The following SNX29 variants were observed in gnomAD, a reference collection of about 807,000 sequenced individuals.
SNX29 encodes the protein sorting nexin 29.
A neutral mutation model predicts 102.1 loss-of-function variants in SNX29; 78 were observed. That is an observed-to-expected ratio of 0.76 (90% CI 0.64 to 0.92). The LOEUF (loss-of-function observed/expected upper bound fraction) is 0.92. SNX29 is among the 40% of genes least tolerant of loss of function. The probability of loss-of-function intolerance (pLI) is 0.00; values close to 1 mark genes in which losing one functional copy is unlikely to be tolerated. For missense variants in SNX29, 1,280 were observed against 1,061.7 expected (o/e 1.21, Z -2.86); for synonymous variants, 580 against 414.5 (o/e 1.40, Z -4.85).
chr16:12,173,694 A>G (rs2076200022), intron 13 of SNX29, among the ~76,000 whole-genome samples: 1 of 152,206 alleles, frequency 6.6e-6, no homozygotes, highest in African/African-American at 2.4e-5. Context: ...TTCATTTTCC[A>G]ACCTCTGTGA....
intron 1 of SNX29, among the ~76,000 whole-genome samples, chr16:11,996,276 C>T (rs1030921812): frequency 4.6e-5 from 7 of 151,192 alleles, no homozygotes; most frequent in East Asian, 2.0e-4. Context: ...CCCAGCTACT[C>T]GGAGGGCTGA....
intron 18 of SNX29, among the ~76,000 whole-genome samples, chr16:12,418,622 C>A (rs1030341385): frequency 2.6e-5 from 4 of 152,048 alleles, no homozygotes; most frequent in African/African-American, 9.7e-5. Context: ...TCAAGTGATT[C>A]TCCTGCCTCA....
chr16:12,473,281 A>G (rs13336773), intron 18 of SNX29, among the ~76,000 whole-genome samples: 11,796 of 152,054 alleles, frequency 0.078, 705 homozygotes, highest in East Asian at 0.29. Context: ...CCATTTGGGT[A>G]ATTTTGAGTA....
intron 20 of SNX29, among the ~76,000 whole-genome samples, chr16:12,542,136 C>A (rs4513084): frequency 6.6e-6 from 1 of 152,090 alleles, no homozygotes; most frequent in African/African-American, 2.4e-5. Context: ...ATTTCCAATT[C>A]AGCCCACGCT....
intron 3 of SNX29, among the ~76,000 whole-genome samples, chr16:12,026,898 A>G (rs1245728179): frequency 6.6e-6 from 1 of 152,220 alleles, no homozygotes; most frequent in African/African-American, 2.4e-5. Flanking sequence ...CTCCAAAAAC[A>G]TAATCTTGTT....
intron 15 of SNX29, among the ~76,000 whole-genome samples, chr16:12,287,306 C>T (rs182919957): frequency 3.5e-4 from 54 of 152,340 alleles, no homozygotes; most frequent in African/African-American, 9.6e-4. Flanking sequence ...CCTTTACAAA[C>T]AGACTCCTTC....
chr16:12,201,389 C>G (rs957274982), intron 14 of SNX29, among the ~76,000 whole-genome samples: 4 of 152,204 alleles, frequency 2.6e-5, no homozygotes, highest in Non-Finnish European at 5.9e-5. Context: ...CCCTTTACAG[C>G]CTTTCCAAGC....
At chr16:12,138,930 C>CGGT (rs1567241322) in intron 13 of SNX29, among the ~76,000 whole-genome samples, 2 of 151,960 alleles carry the variant, frequency 1.3e-5, no homozygotes, top group African/African-American at 4.8e-5. Flanking sequence ...TGGTCAGGCA[C>CGGT]GGTGGCTCAC....
intron 3 of SNX29, among the ~76,000 whole-genome samples, chr16:12,008,707 A>G (rs1385147200): frequency 2.0e-5 from 3 of 151,950 alleles, no homozygotes; most frequent in African/African-American, 7.3e-5. Flanking sequence ...AGAGAGTCAA[A>G]ATTTATTACA....
intron 6 of SNX29, among the ~76,000 whole-genome samples, chr16:12,046,929 G>T (rs768218765): frequency 1.3e-5 from 2 of 152,168 alleles, no homozygotes; most frequent in Non-Finnish European, 2.9e-5. Context: ...ACAGTGTTGG[G>T]TCCATTTATC....
At chr16:12,548,567 C>G (rs538862233) in intron 20 of SNX29, among the ~76,000 whole-genome samples, 9 of 152,176 alleles carry the variant, frequency 5.9e-5, no homozygotes, top group Non-Finnish European at 8.8e-5. Context: ...TTCTATGATG[C>G]TGGCTTCCCT....
chr16:12,346,427 G>C (rs1214660474), intron 15 of SNX29, among the ~76,000 whole-genome samples: 1 of 152,194 alleles, frequency 6.6e-6, no homozygotes, highest in Non-Finnish European at 1.5e-5. Context: ...TTGTTAATGT[G>C]ATTTTATGGA....
At chr16:12,022,816 GTT>G (rs2057069132) in intron 3 of SNX29, among the ~76,000 whole-genome samples, 1 of 151,330 alleles carries the variant, frequency 6.6e-6, no homozygotes. Flanking sequence ...AGTGTGTGGT[GTT>G]TTGGATGTGG....
At chr16:12,272,150 A>C (rs372846993) in intron 14 of SNX29, among the ~76,000 whole-genome samples, 1 of 152,164 alleles carries the variant, frequency 6.6e-6, no homozygotes, top group Admixed American at 6.5e-5. Context: ...TTTAAGGTCA[A>C]AAAGCTTATT....
intron 14 of SNX29, among the ~76,000 whole-genome samples, chr16:12,209,542 C>T (rs537985961): frequency 4.1e-4 from 63 of 152,260 alleles, no homozygotes; most frequent in African/African-American, 1.4e-3. Flanking sequence ...CTCTCCAGCT[C>T]GAGACCCCTC....
intron 19 of SNX29, among the ~76,000 whole-genome samples, chr16:12,512,314 A>G (rs1203083639): frequency 7.8e-5 from 11 of 140,504 alleles, no homozygotes; most frequent in Non-Finnish European, 9.3e-5. Context: ...AGTGCTCTGC[A>G]GGGAGCTTGA....
At chr16:12,476,423 T>TATATATAC (rs2087643679) in intron 18 of SNX29, among the ~76,000 whole-genome samples, 1 of 74,022 alleles carries the variant, frequency 1.4e-5, no homozygotes, top group Non-Finnish European at 2.6e-5. Flanking sequence ...CATATATATA[T>TATATATAC]ATATATATAT....
At chr16:12,402,198 A>G (rs2083972623) in intron 17 of SNX29, among the ~76,000 whole-genome samples, 2 of 152,364 alleles carry the variant, frequency 1.3e-5, no homozygotes, top group South Asian at 4.1e-4. Flanking sequence ...TACCCCTCAA[A>G]GGAGGTCAGC....
intron 18 of SNX29, among the ~76,000 whole-genome samples, chr16:12,455,628 C>T (rs1232512758): frequency 2.0e-5 from 3 of 152,212 alleles, no homozygotes; most frequent in Admixed American, 6.5e-5. Context: ...CTATGAGTGT[C>T]GGTAACTTCA....
Sources: allele counts gnomAD v4.1 joint callset (sites outside exome capture counted in the v4.1 genomes callset), GRCh38; gene constraint gnomAD v4.1.1; transcripts MANE v1.5; gene names NCBI Gene and HGNC (gene_info 2026-07-23, HGNC 2026-07-21).